The following GOLGA5 variants were observed in gnomAD, a reference collection of about 807,000 sequenced individuals.
The protein encoded by GOLGA5 is golgin A5.
GOLGA5 carries 50 observed loss-of-function variants against 93.5 expected under a neutral mutation model. The ratio of observed to expected loss-of-function variants is 0.53; its 90% CI spans 0.43 to 0.68. The LOEUF (loss-of-function observed/expected upper bound fraction) is 0.68, where lower values mean the gene tolerates loss of function less well. GOLGA5 is among the 30% of genes least tolerant of loss of function. The pLI is 0.00. For missense variants in GOLGA5, 760 were observed against 856.4 expected (o/e 0.89, Z 1.40); for synonymous variants, 312 against 304.5 (o/e 1.02, Z -0.26).
chr14:92,832,565 CT>C (rs1885553106), intron 9 of GOLGA5, among the ~76,000 whole-genome samples: 1 of 152,212 alleles, frequency 6.6e-6, no homozygotes, highest in Admixed American at 6.5e-5. Flanking sequence ...GTGCTGTCAT[CT>C]TCACTAACAG....
intron 4 of GOLGA5, among the ~76,000 whole-genome samples, chr14:92,809,783 G>A (rs1448345336): frequency 3.3e-5 from 5 of 152,070 alleles, no homozygotes; most frequent in East Asian, 1.9e-4. Flanking sequence ...GAGAAACCCC[G>A]TCTCTACTAA....
chr14:92,808,307 G>A (rs1185082230), intron 3 of GOLGA5, among the ~76,000 whole-genome samples: 1 of 151,792 alleles, frequency 6.6e-6, no homozygotes, highest in African/African-American at 2.4e-5. Context: ...TTTAGAAAAA[G>A]CTTTACTTTA....
At position 92,799,443 on chromosome 14, in the gene GOLGA5, A is replaced by ATTTTT. The variant is rs386382181; in HGVS notation, c.544+1474_544+1478dup. Among the ~76,000 whole-genome samples, 20 of 131,252 alleles carry ATTTTT rather than the reference A, an allele frequency of 1.5e-4. No homozygotes were observed. The South Asian group carries it at 2.0e-3, about 13-fold the overall frequency. The allele number at this position is 131,252 out of a possible 152,430, so 86.1% of individuals were successfully genotyped here. ...AGGCGCCTGCCATCACGCCTGGCTA[A>ATTTTT]TTTTTTTTTTTTTTTTGTATTTTTA... On this transcript the variant is annotated intron_variant, in intron 2 of 12. Coordinates refer to ENST00000163416, the MANE Select transcript of GOLGA5 (RefSeq NM_005113.4).
chr14:92,838,058 A>G (rs1337400151), intron 12 of GOLGA5, among the ~76,000 whole-genome samples: 2 of 152,154 alleles, frequency 1.3e-5, no homozygotes, highest in African/African-American at 2.4e-5. Flanking sequence ...ATACAAAACA[A>G]TTTTTTATCT....
chr14:92,813,337 A>G (rs1411418588), intron 6 of GOLGA5, among the ~76,000 whole-genome samples: 3 of 152,250 alleles, frequency 2.0e-5, no homozygotes, highest in African/African-American at 7.2e-5. Flanking sequence ...AAAGAAACAG[A>G]TAATTGACGT....
At chr14:92,829,769 T>C (rs1295931193) in intron 9 of GOLGA5, among the ~76,000 whole-genome samples, 1 of 152,246 alleles carries the variant, frequency 6.6e-6, no homozygotes, top group African/African-American at 2.4e-5. Context: ...GACTCCAGTT[T>C]TGAAAGATGT....
At position 92,835,662 on chromosome 14, in the gene GOLGA5, T is replaced by C. The variant is rs543739898; in HGVS notation, c.2049T>C (p.Phe683=). The C allele has an allele frequency of 1.9e-6, 3 of 1,592,716 alleles. No individual in the cohort carries two copies. The highest frequency in any genetic ancestry group is 2.7e-5 in the African/African-American group (2 of 74,540). ...AAGCTGCTAGTTCAATTGATCAGTT[T>C]AGGTAAGCAATGCCAGTAGGGATGA... is the stretch of plus-strand genomic sequence containing the variant. ...VRKAASSIDQ[F]SIRLGIFLRR... Residue 683 remains phenylalanine, a splice_region_variant and synonymous_variant, in exon 11 of 13, where the codon TTT becomes TTC. Transcript: ENST00000163416.
chr14:92,814,851 T>G (rs1457073179), intron 6 of GOLGA5, among the ~76,000 whole-genome samples: 2 of 152,158 alleles, frequency 1.3e-5, no homozygotes, highest in Non-Finnish European at 2.9e-5. Flanking sequence ...CAGAAAACAT[T>G]GAGAGGGTCA....
chr14:92,802,428 A>G (rs1168014369), intron 2 of GOLGA5, among the ~76,000 whole-genome samples: 1 of 152,116 alleles, frequency 6.6e-6, no homozygotes, highest in Non-Finnish European at 1.5e-5. Context: ...CAACACAATT[A>G]TCTGTGTATA....
Position 92,819,702 on chromosome 14 carries a change from C to T in GOLGA5, c.1492-6C>T. On this transcript the variant is annotated splice_polypyrimidine_tract_variant and splice_region_variant and intron_variant, in intron 7 of 12. Coordinates refer to ENST00000163416, the MANE Select transcript of GOLGA5 (RefSeq NM_005113.4). ...TTGCTTTTACATGTAAGCTTTTTCT[C>T]TTTAGGATATGGAGGCACAGCAAGT... The T allele has an allele frequency of 6.2e-7, 1 of 1,612,134 alleles. No individual in the cohort carries two copies. Among genetic ancestry groups the T allele is most frequent in the Non-Finnish European group, 8.5e-7 (1 of 1,178,758 alleles).
chr14:92,836,455 G>A (rs140105655), intron 11 of GOLGA5, among the ~76,000 whole-genome samples: 487 of 152,164 alleles, frequency 3.2e-3, no homozygotes, highest in Middle Eastern at 0.014. Flanking sequence ...TTCAACATAC[G>A]TAGTTGTTAG....
intron 3 of GOLGA5, among the ~76,000 whole-genome samples, chr14:92,808,660 T>G (rs1595593593): frequency 1.4e-5 from 1 of 74,042 alleles, no homozygotes; most frequent in South Asian, 3.9e-4. Context: ...CTCATGTTTT[T>G]GGGTTTTTTT....
chr14:92,797,489 G>T lies in GOLGA5; in HGVS notation c.52G>T (p.Val18Phe). ...AAAGGCAGAAGATCTTTTAAACCGAGTTGATCAAGGGGCTGCAACAGCTCT... is the reference window on the plus strand; with the variant it reads ...AAAGGCAGAAGATCTTTTAAACCGATTTGATCAAGGGGCTGCAACAGCTCT... ...AGKAEDLLNR[V>F]DQGAATALSR... is the part of the protein sequence containing the mutation. The change falls in exon 2 of 13, where the codon GTT becomes TTT. Residue 18 changes from valine to phenylalanine, a missense_variant. Coordinates refer to ENST00000163416, the MANE Select transcript of GOLGA5 (RefSeq NM_005113.4). 1.2e-6 allele frequency: 2 copies of T among 1,612,480 alleles called. No individual in the cohort carries two copies. Among genetic ancestry groups the T allele is most frequent in the Non-Finnish European group, 1.7e-6 (2 of 1,179,520 alleles).
Position 92,797,426 on chromosome 14 carries a change from C to A in GOLGA5, c.-12C>A. ...TTTACAGGTTTGCCAATAGGATTAT[C>A]CTGCTGCCATCATGTCTTGGTTTGT... On this transcript the variant is annotated 5_prime_UTR_variant, in exon 2 of 13. Transcript: ENST00000163416. The A allele has an allele frequency of 6.3e-7, 1 of 1,589,144 alleles. No individual in the cohort carries two copies. The highest frequency in any genetic ancestry group is 8.6e-7 in the Non-Finnish European group (1 of 1,168,122).
intron 8 of GOLGA5, among the ~76,000 whole-genome samples, chr14:92,824,300 AATT>A (rs2140329563): frequency 6.6e-6 from 1 of 152,208 alleles, no homozygotes; most frequent in East Asian, 1.9e-4. Flanking sequence ...CACTGTTAAT[AATT>A]ATTTATTATG....
intron 9 of GOLGA5, among the ~76,000 whole-genome samples, chr14:92,824,861 G>C (rs1167637844): frequency 1.3e-5 from 2 of 152,138 alleles, no homozygotes; most frequent in East Asian, 3.8e-4. Context: ...GAAGTATCTT[G>C]TAGCCAAAGT....
intron 6 of GOLGA5, among the ~76,000 whole-genome samples, chr14:92,812,527 G>T (rs1885123716): frequency 6.6e-6 from 1 of 152,160 alleles, no homozygotes; most frequent in Admixed American, 6.5e-5. Flanking sequence ...TACCAGAATT[G>T]TGTACGTGCT....
intron 6 of GOLGA5, among the ~76,000 whole-genome samples, chr14:92,815,109 A>G (rs1248581406): frequency 6.6e-6 from 1 of 152,132 alleles, no homozygotes; most frequent in Non-Finnish European, 1.5e-5. Flanking sequence ...CCTGCCATAT[A>G]ATATTAAAAC....
intron 10 of GOLGA5, 149 bp downstream of exon 10, chr14:92,833,496 G>A (rs996593666): frequency 3.2e-6 from 2 of 618,900 alleles, no homozygotes; most frequent in Non-Finnish European, 2.9e-6. Context: ...GTTTAGTATT[G>A]TTAGTGAACC....
Sources: gnomAD v4.1 joint callset for allele counts (sites outside exome capture counted in the v4.1 genomes callset) on GRCh38, gnomAD v4.1.1 for gene constraint, MANE v1.5 for transcripts, NCBI Gene and HGNC (gene_info 2026-07-23, HGNC 2026-07-21) for gene names.